Variants in ALG9 observed in about 807,000 individuals in gnomAD.
ALG9 encodes the protein alpha-1,2-mannosyltransferase ALG9.
Under a neutral mutation model 81.8 loss-of-function variants are expected in ALG9, and 55 were observed. The observed-to-expected ratio is 0.67, with a 90% CI of 0.54 to 0.84. The LOEUF is 0.84. ALG9 is among the 40% of genes least tolerant of loss of function. The probability of loss-of-function intolerance (pLI) is 0.00; values close to 1 mark genes in which losing one functional copy is unlikely to be tolerated. For synonymous variants in ALG9, 278 were observed against 274.3 expected (o/e 1.01, Z -0.13); for missense variants, 629 against 745.0 (o/e 0.84, Z 1.81).
At chr11:111,786,571 TA>T in intron 14 of ALG9, 51 bp from the exon 15 acceptor site, 1 of 1,577,198 alleles carries the variant, frequency 6.3e-7, no homozygotes, top group Non-Finnish European at 8.7e-7. Flanking sequence ...GAGAATTTAC[TA>T]ATGGTACTAA....
At chr11:111,805,643 C>T (rs569619699) in intron 14 of ALG9, among the ~76,000 whole-genome samples, 7 of 152,158 alleles carry the variant, frequency 4.6e-5, no homozygotes, top group East Asian at 1.9e-4. Context: ...AGTGGTTGTC[C>T]GGGAATGTAG....
At chr11:111,798,812 T>A (rs1555077871) in intron 14 of ALG9, among the ~76,000 whole-genome samples, 2 of 152,192 alleles carry the variant, frequency 1.3e-5, no homozygotes, top group African/African-American at 4.8e-5. Flanking sequence ...AACGTGTTGA[T>A]TAAGATCTTA....
At chr11:111,809,575 T>C (rs1289133721) in intron 14 of ALG9, 68 bp downstream of exon 14, 2 of 1,593,696 alleles carry the variant, frequency 1.3e-6, no homozygotes, top group Non-Finnish European at 1.7e-6. Context: ...CTGGAAGTTA[T>C]ATAATCCTAG....
In ALG9 at chr11:111,866,996, G is replaced by A. The variant is rs547940192; in HGVS notation, c.405+1606C>T. 1.3e-4 allele frequency among the ~76,000 whole-genome samples: 20 copies of A among 152,336 alleles called. No individual in the cohort carries two copies. In the East Asian group the frequency reaches 3.5e-3, roughly 26 times the overall value. ...TGTAATCCCAGCCACTCAGGAGGCTGAGGCAGGAGAATCACTTGAATCCGG... is the reference window on the plus strand; with the variant it reads ...TGTAATCCCAGCCACTCAGGAGGCTAAGGCAGGAGAATCACTTGAATCCGG... On this transcript the variant is annotated intron_variant, in intron 3 of 14. Transcript: ENST00000616540.
chr11:111,794,248 T>A (rs536070054), intron 14 of ALG9, among the ~76,000 whole-genome samples: 1 of 152,288 alleles, frequency 6.6e-6, no homozygotes, highest in East Asian at 1.9e-4. Context: ...GCTGGGTCAA[T>A]TTTTTATTTT....
chr11:111,857,703 C>T lies in ALG9; in HGVS notation c.600G>A (p.Thr200=), dbSNP rs375576478. ...TATACCATCCAGTCATGGCTATCAA[C>T]GTAGTGTACATACAGAAGCTACTAG... ...FLPSSFCMYT[T]LIAMTGWYMD... The change falls in exon 6 of 15, where the codon ACG becomes ACA. Residue 200 remains threonine, a synonymous_variant. Transcript: ENST00000616540. 14 of 1,613,872 alleles carry T rather than the reference C, an allele frequency of 8.7e-6. No homozygotes were observed. The highest frequency in any genetic ancestry group is 2.2e-5 in the East Asian group (1 of 44,882).
chr11:111,805,945 C>T (rs1339385051), intron 14 of ALG9, among the ~76,000 whole-genome samples: 10 of 152,128 alleles, frequency 6.6e-5, no homozygotes, highest in African/African-American at 2.4e-4. Flanking sequence ...CGACTTCCGC[C>T]TCCCAGGTTC....
chr11:111,858,745 G>C (rs1316167001), intron 5 of ALG9, among the ~76,000 whole-genome samples: 3 of 152,140 alleles, frequency 2.0e-5, no homozygotes, highest in Non-Finnish European at 2.9e-5. Flanking sequence ...AGAAAAATCA[G>C]TATCAACTAC....
In ALG9 at chr11:111,786,305, T is replaced by C; in HGVS notation, c.*92A>G. On this transcript the variant is annotated 3_prime_UTR_variant, in exon 15 of 15. Transcript: ENST00000616540. ...AGTATTCATGTCAGAAGACCTTTAT[T>C]ACAAATGTTACAGGCGATGACTTGC... 1 of 1,582,780 alleles carries C rather than the reference T, an allele frequency of 6.3e-7. No homozygotes were observed.
chr11:111,837,405 C>T (rs1270636749), intron 12 of ALG9, 63 bp downstream of exon 12: 15 of 1,583,950 alleles, frequency 9.5e-6, no homozygotes, highest in Admixed American at 3.4e-5. Flanking sequence ...TTAGAAGACA[C>T]TGATATAGAA....
chr11:111,820,914 A>ACG (rs1177354864), intron 13 of ALG9, among the ~76,000 whole-genome samples: 62 of 103,336 alleles, frequency 6.0e-4, no homozygotes, highest in African/African-American at 2.1e-3. Flanking sequence ...GTCTCCAAAC[A>ACG]CGCGCGCACA....
At chr11:111,863,374 T>C (rs4936800) in intron 4 of ALG9, among the ~76,000 whole-genome samples, 1 of 151,900 alleles carries the variant, frequency 6.6e-6, no homozygotes, top group Non-Finnish European at 1.5e-5. Context: ...ATAAAATATA[T>C]TAAAGTAAAT....
downstream of ALG9, chr11:111,778,101 T>A (rs1161025418): frequency 6.6e-6 from 1 of 152,120 alleles, no homozygotes; most frequent in African/African-American, 2.4e-5. Context: ...GTGCGTTGAG[T>A]AGAAGGGCTT....
At position 111,783,900 on chromosome 11, in the gene ALG9, AT is replaced by A. The variant is rs1205051642; in HGVS notation, c.*2496del. On this transcript the variant is annotated 3_prime_UTR_variant, in exon 15 of 15. Transcript: ENST00000616540. ...CAGTCCTGGCCTTTCTTTGCGCTAT[AT>A]TATAATTAAGGTTTTGTTTTTTTAA... 2.4e-5 allele frequency: 2 copies of A among 82,374 alleles called. No homozygotes were observed. Among genetic ancestry groups the A allele is most frequent in the African/African-American group, 4.0e-5 (1 of 25,052 alleles). 5.1% of individuals were successfully genotyped at this position (82,374 alleles called of 1,614,324 possible). A position where few individuals can be genotyped will look rare whatever the true frequency, so the allele number is the denominator to read the frequency against.
intron 8 of ALG9, among the ~76,000 whole-genome samples, chr11:111,848,852 A>T (rs1555133734): frequency 2.6e-5 from 4 of 152,100 alleles, no homozygotes; most frequent in Non-Finnish European, 5.9e-5. Context: ...TCTTCCTTCC[A>T]GGCTCAGCTC....
At chr11:111,838,650 T>C (rs1255124341) in intron 10 of ALG9, among the ~76,000 whole-genome samples, 2 of 152,202 alleles carry the variant, frequency 1.3e-5, no homozygotes, top group African/African-American at 4.8e-5. Context: ...TGCTAGCATT[T>C]ATAGTCCTAA....
chr11:111,800,296 T>C (rs7936504), intron 14 of ALG9, among the ~76,000 whole-genome samples: 40,565 of 151,416 alleles, frequency 0.27, 5,617 homozygotes, highest in Admixed American at 0.34. Context: ...CTGGCTAACA[T>C]GGTAAAACCC....
the ALG9 span, chr11:111,768,844 T>TGTGTGTGC: frequency 7.8e-6 from 1 of 128,634 alleles, no homozygotes; most frequent in Non-Finnish European, 1.5e-5. Context: ...TGTGTGTGCG[T>TGTGTGTGC]GTGTGTGTGT....
Position 111,783,638 on chromosome 11 carries a change from C to A in ALG9, c.*2759G>T, listed in dbSNP as rs1565527248. On this transcript the variant is annotated 3_prime_UTR_variant, in exon 15 of 15. Transcript: ENST00000616540. ...GTGTGTTGAAACTGTTTTTCCCAGG[C>A]AAAGCTATCCTTCCTATACTAAAAA... 6.6e-6 allele frequency: 1 copy of A among 152,056 alleles called. No homozygotes were observed. The highest frequency in any genetic ancestry group is 1.9e-4 in the East Asian group (1 of 5,186). 9.4% of individuals were successfully genotyped at this position (152,056 alleles called of 1,614,324 possible).
Sources: allele counts gnomAD v4.1 joint callset (sites outside exome capture counted in the v4.1 genomes callset), GRCh38; gene constraint gnomAD v4.1.1; transcripts MANE v1.5; gene names NCBI Gene and HGNC (gene_info 2026-07-23, HGNC 2026-07-21).